Variants in DGKI observed in about 807,000 individuals in gnomAD.
DGKI encodes the protein DAG kinase iota.
In DGKI, 55 loss-of-function variants were observed where a neutral mutation model predicts 147.5. That is an observed-to-expected ratio of 0.37 (90% CI 0.30 to 0.47). The LOEUF is 0.47. Ranked by LOEUF, DGKI falls within the 20% of genes least tolerant of loss-of-function variation. DGKI has a pLI of 1.00. For synonymous variants in DGKI, 469 were observed against 477.1 expected, an observed-to-expected ratio of 0.98 and a Z score of 0.22; for missense variants, 1,007 against 1,323.8, an observed-to-expected ratio of 0.76 and a Z score of 3.71.
chr7:137,701,506 T>C (rs575105656), intron 1 of DGKI, among the ~76,000 whole-genome samples: 1 of 152,284 alleles, frequency 6.6e-6, no homozygotes. Context: ...GGAGTCATAG[T>C]GTACAGACAC....
At position 137,414,855 on chromosome 7, in the gene DGKI, G is replaced by A. The variant is rs377532657; in HGVS notation, c.2762-2648C>T. 1.2e-4 allele frequency among the ~76,000 whole-genome samples: 18 copies of A among 152,162 alleles called. No homozygotes were observed. The East Asian group carries it at 1.7e-3, about 15-fold the overall frequency. Reference sequence around the variant, plus strand: ...CATAAATTTTGGAAGTTATTCAATCGTTTTGAACCAATTCTCCATTTGCAA... The same window carrying A: ...CATAAATTTTGGAAGTTATTCAATCATTTTGAACCAATTCTCCATTTGCAA... On this transcript the variant is annotated intron_variant, in intron 28 of 32. Transcript: ENST00000614521.
rs965215237 is a variant in DGKI at position 137,492,331 on chromosome 7, C to T, written c.2249-4642G>A. 5.9e-5 allele frequency among the ~76,000 whole-genome samples: 9 copies of T among 152,136 alleles called. No individual in the cohort carries two copies. The South Asian group carries it at 8.3e-4, about 14-fold the overall frequency. ...CACAGCCAGAAGGAACATCTGCCAT[C>T]GAGAGACCAGGACATCAGGAAGACT... On this transcript the variant is annotated intron_variant, in intron 21 of 32. Coordinates refer to ENST00000614521, the MANE Select transcript of DGKI (RefSeq NM_001321708.2).
intron 1 of DGKI, among the ~76,000 whole-genome samples, chr7:137,822,120 C>G (rs998764086): frequency 6.6e-5 from 10 of 152,148 alleles, no homozygotes; most frequent in African/African-American, 2.2e-4. Context: ...ATAATTCAGC[C>G]TCAGGGCACA....
intron 1 of DGKI, among the ~76,000 whole-genome samples, chr7:137,841,336 G>A (rs1406668344): frequency 1.3e-5 from 2 of 152,172 alleles, no homozygotes; most frequent in Non-Finnish European, 2.9e-5. Context: ...CCTTGAAATA[G>A]GTTTCAATCA....
At chr7:137,417,746 A>G (rs1285658419) in intron 28 of DGKI, among the ~76,000 whole-genome samples, 1 of 152,228 alleles carries the variant, frequency 6.6e-6, no homozygotes, top group Non-Finnish European at 1.5e-5. Context: ...CTCATGAAGG[A>G]AATCAATGCC....
At chr7:137,565,890 T>C (rs1173078692) in intron 19 of DGKI, among the ~76,000 whole-genome samples, 2 of 152,162 alleles carry the variant, frequency 1.3e-5, no homozygotes, top group African/African-American at 4.8e-5. Context: ...TAAAATGAAT[T>C]GAAGACTTCT....
chr7:137,732,173 T>C (rs889209668), intron 1 of DGKI, among the ~76,000 whole-genome samples: 1 of 152,066 alleles, frequency 6.6e-6, no homozygotes, highest in Non-Finnish European at 1.5e-5. Flanking sequence ...ATAGTATATA[T>C]AATCACTTTA....
chr7:137,709,758 CA>C (rs1267758135), intron 1 of DGKI, among the ~76,000 whole-genome samples: 1 of 151,786 alleles, frequency 6.6e-6, no homozygotes, highest in Non-Finnish European at 1.5e-5. Flanking sequence ...TATAAGCCAG[CA>C]AAAACTCCAG....
intron 6 of DGKI, among the ~76,000 whole-genome samples, chr7:137,628,874 G>A (rs1441805064): frequency 6.6e-6 from 1 of 152,046 alleles, no homozygotes. Context: ...CAGTTTTACA[G>A]CCTTGGCTGA....
At chr7:137,471,898 GTC>G (rs1250809702) in intron 23 of DGKI, among the ~76,000 whole-genome samples, 5 of 143,544 alleles carry the variant, frequency 3.5e-5, no homozygotes, top group South Asian at 4.3e-4. Flanking sequence ...GTTACATATA[GTC>G]TCTCTCTTGC....
chr7:137,618,984 A>T (rs1441456573), intron 8 of DGKI, among the ~76,000 whole-genome samples: 4 of 152,206 alleles, frequency 2.6e-5, no homozygotes, highest in Admixed American at 6.5e-5. Flanking sequence ...AGTCAATGAG[A>T]ATGAATCACA....
intron 28 of DGKI, among the ~76,000 whole-genome samples, chr7:137,435,226 C>T (rs1057298436): frequency 6.6e-5 from 10 of 152,002 alleles, no homozygotes; most frequent in Admixed American, 3.3e-4. Context: ...AGTTTATAGT[C>T]AAATAAGAAG....
intron 3 of DGKI, among the ~76,000 whole-genome samples, chr7:137,669,595 A>G (rs1170839553): frequency 6.6e-6 from 1 of 152,186 alleles, no homozygotes; most frequent in Non-Finnish European, 1.5e-5. Flanking sequence ...CCCTTACACA[A>G]ACACGCAAAT....
intron 24 of DGKI, 27 bp downstream of exon 24, chr7:137,469,523 G>A (rs773591770): frequency 4.3e-6 from 7 of 1,612,022 alleles, no homozygotes; most frequent in South Asian, 1.1e-5. Flanking sequence ...CAACTCCCAC[G>A]ATACCCGCAA....
intron 1 of DGKI, among the ~76,000 whole-genome samples, chr7:137,844,614 C>T (rs1458135092): frequency 6.6e-6 from 1 of 152,148 alleles, no homozygotes; most frequent in African/African-American, 2.4e-5. Context: ...GTAAAGCAGA[C>T]GCAATGTTAT....
chr7:137,766,969 A>G (rs962210590), intron 1 of DGKI, among the ~76,000 whole-genome samples: 7 of 152,188 alleles, frequency 4.6e-5, no homozygotes, highest in African/African-American at 1.7e-4. Flanking sequence ...CCTCCAAGTG[A>G]ACAGATCTGT....
At chr7:137,397,692 A>G (rs1811603502) in intron 30 of DGKI, among the ~76,000 whole-genome samples, 1 of 152,264 alleles carries the variant, frequency 6.6e-6, no homozygotes, top group South Asian at 2.1e-4. Context: ...CTGGAATAGA[A>G]TAACTGAAAA....
chr7:137,410,045 A>G (rs1812103715), intron 29 of DGKI, among the ~76,000 whole-genome samples: 1 of 152,202 alleles, frequency 6.6e-6, no homozygotes, highest in Admixed American at 6.5e-5. Context: ...GAAGGAAAAT[A>G]AGAAAATATG....
At chr7:137,504,902 C>G (rs975906948) in intron 21 of DGKI, among the ~76,000 whole-genome samples, 3 of 152,076 alleles carry the variant, frequency 2.0e-5, no homozygotes, top group Non-Finnish European at 4.4e-5. Flanking sequence ...ATCAAAACTT[C>G]CACTCTGTGA....
Sources: allele counts gnomAD v4.1 joint callset (sites outside exome capture counted in the v4.1 genomes callset), GRCh38; gene constraint gnomAD v4.1.1; transcripts MANE v1.5; gene names NCBI Gene and HGNC (gene_info 2026-07-23, HGNC 2026-07-21).